Variants in FHIT observed in about 807,000 individuals in gnomAD.
FHIT encodes fragile histidine triad diadenosine triphosphatase.
A neutral mutation model predicts 17.9 loss-of-function variants in FHIT; 19 were observed. The ratio of observed to expected loss-of-function variants is 1.06; its 90% CI spans 0.74 to 1.56. FHIT has a LOEUF of 1.56. Among genes scored for constraint, FHIT ranks in the 40% most tolerant of loss-of-function variants. The pLI is 0.00. For synonymous variants in FHIT, 81 were observed against 69.7 expected, an observed-to-expected ratio of 1.16 and a Z score of -0.81; for missense variants, 248 against 189.2, an observed-to-expected ratio of 1.31 and a Z score of -1.82.
At chr3:59,879,450 T>A (rs1703305876) in intron 8 of FHIT, among the ~76,000 whole-genome samples, 1 of 152,214 alleles carries the variant, frequency 6.6e-6, no homozygotes, top group Non-Finnish European at 1.5e-5. Flanking sequence ...ATGATAGATG[T>A]GTCCTAACAG....
At chr3:60,787,004 GA>G (rs11445450) in intron 4 of FHIT, among the ~76,000 whole-genome samples, 19,531 of 135,760 alleles carry the variant, frequency 0.14, 1,915 homozygotes, top group African/African-American at 0.29. Flanking sequence ...AAGACAAAAA[GA>G]AAAAAAAAAA....
At chr3:59,998,457 C>T (rs1031047672) in intron 7 of FHIT, among the ~76,000 whole-genome samples, 3 of 152,080 alleles carry the variant, frequency 2.0e-5, no homozygotes, top group Non-Finnish European at 4.4e-5. Context: ...TAGTACTATA[C>T]CACTTCCACT....
At chr3:61,188,848 T>C (rs1453553315) in intron 2 of FHIT, among the ~76,000 whole-genome samples, 2 of 152,074 alleles carry the variant, frequency 1.3e-5, no homozygotes, top group African/African-American at 2.4e-5. Flanking sequence ...ATTATCTCAA[T>C]AGATGCAGAA....
At chr3:61,240,270 C>T (rs988583403) in intron 1 of FHIT, among the ~76,000 whole-genome samples, 1 of 152,188 alleles carries the variant, frequency 6.6e-6, no homozygotes, top group Non-Finnish European at 1.5e-5. Context: ...AGTGTCACAT[C>T]CCTCTTCTGA....
chr3:60,476,676 G>A (rs918388336), intron 5 of FHIT, among the ~76,000 whole-genome samples: 11 of 152,122 alleles, frequency 7.2e-5, no homozygotes, highest in Non-Finnish European at 1.5e-5. Context: ...CAAGGGCCTA[G>A]GGAGCGAGAC....
At chr3:60,923,293 T>C (rs567186995) in intron 3 of FHIT, among the ~76,000 whole-genome samples, 8 of 152,330 alleles carry the variant, frequency 5.3e-5, no homozygotes, top group African/African-American at 1.9e-4. Context: ...GTGTGTTTCA[T>C]CCCTGCCTCT....
intron 8 of FHIT, among the ~76,000 whole-genome samples, chr3:59,890,604 A>T (rs1464040939): frequency 6.6e-6 from 1 of 152,172 alleles, no homozygotes; most frequent in African/African-American, 2.4e-5. Flanking sequence ...TATTACTCTG[A>T]AATCAGCCAA....
intron 4 of FHIT, among the ~76,000 whole-genome samples, chr3:60,762,172 C>T (rs1426361132): frequency 6.6e-6 from 1 of 152,168 alleles, no homozygotes; most frequent in African/African-American, 2.4e-5. Flanking sequence ...CACTTGCCTA[C>T]CCAGTTATTC....
At chr3:59,889,338 C>T (rs1703753072) in intron 8 of FHIT, among the ~76,000 whole-genome samples, 1 of 152,186 alleles carries the variant, frequency 6.6e-6, no homozygotes, top group Admixed American at 6.5e-5. Flanking sequence ...ATAGGGGCCA[C>T]CTCTCCCAAA....
chr3:59,763,559 A>G (rs1361651943), intron 8 of FHIT, among the ~76,000 whole-genome samples: 2 of 152,234 alleles, frequency 1.3e-5, no homozygotes, highest in African/African-American at 4.8e-5. Flanking sequence ...AGTGTATTTT[A>G]TAGTGTAATA....
chr3:60,436,299 C>T (rs2030232301), intron 5 of FHIT, among the ~76,000 whole-genome samples: 1 of 152,112 alleles, frequency 6.6e-6, no homozygotes, highest in Admixed American at 6.6e-5. Context: ...ATCCACCCAC[C>T]TCGGCCTCCC....
At chr3:60,116,215 C>T (rs963651237) in intron 5 of FHIT, among the ~76,000 whole-genome samples, 6 of 152,100 alleles carry the variant, frequency 3.9e-5, no homozygotes, top group African/African-American at 1.2e-4. Flanking sequence ...CATGTTGGTA[C>T]AAAGGCTGTA....
chr3:60,453,379 A>T (rs1369345760), intron 5 of FHIT, among the ~76,000 whole-genome samples: 1 of 152,132 alleles, frequency 6.6e-6, no homozygotes, highest in Admixed American at 6.6e-5. Flanking sequence ...GCGAGGTAAC[A>T]GTTTTTCAGC....
At chr3:60,953,044 A>G (rs1449852565) in intron 3 of FHIT, among the ~76,000 whole-genome samples, 1 of 152,214 alleles carries the variant, frequency 6.6e-6, no homozygotes, top group Non-Finnish European at 1.5e-5. Context: ...AAAAGAGTGT[A>G]CAATTTTGCC....
intron 7 of FHIT, among the ~76,000 whole-genome samples, chr3:59,981,687 T>A (rs368382127): frequency 1.3e-4 from 20 of 152,112 alleles, no homozygotes; most frequent in African/African-American, 4.6e-4. Flanking sequence ...TAACAGTTCT[T>A]ATGGAGTCTC....
At chr3:60,067,694 G>A (rs1312964006) in intron 5 of FHIT, among the ~76,000 whole-genome samples, 2 of 152,062 alleles carry the variant, frequency 1.3e-5, no homozygotes, top group Non-Finnish European at 2.9e-5. Context: ...CTTTTTAGTC[G>A]ACATGAAGGC....
chr3:60,564,913 G>A (rs1043600119), intron 4 of FHIT, among the ~76,000 whole-genome samples: 1 of 152,220 alleles, frequency 6.6e-6, no homozygotes, highest in African/African-American at 2.4e-5. Context: ...GTTCTACTAT[G>A]AGTAAAATGC....
intron 3 of FHIT, among the ~76,000 whole-genome samples, chr3:60,859,204 C>T (rs1452996943): frequency 3.9e-5 from 6 of 152,052 alleles, no homozygotes; most frequent in South Asian, 2.1e-4. Context: ...TTTTTTGGAA[C>T]GAAGCAGACC....
chr3:60,867,906 T>C (rs1404682360), intron 3 of FHIT, among the ~76,000 whole-genome samples: 2 of 152,118 alleles, frequency 1.3e-5, no homozygotes, highest in Non-Finnish European at 2.9e-5. Context: ...CATTTGTTAC[T>C]GCAGCATAAC....
Sources: allele counts gnomAD v4.1 joint callset (sites outside exome capture counted in the v4.1 genomes callset), GRCh38; gene constraint gnomAD v4.1.1; transcripts MANE v1.5; gene names NCBI Gene and HGNC (gene_info 2026-07-23, HGNC 2026-07-21).